The following ETNK1 variants were observed in gnomAD, a reference collection of about 807,000 sequenced individuals.
The protein encoded by ETNK1 is ethanolamine kinase 1.
ETNK1 carries 8 observed loss-of-function variants against 45.1 expected under a neutral mutation model. That is an observed-to-expected ratio of 0.18 (90% CI 0.10 to 0.32). The LOEUF (loss-of-function observed/expected upper bound fraction) is 0.32, where lower values mean the gene tolerates loss of function less well. Ranked by LOEUF, ETNK1 falls within the 10% of genes least tolerant of loss-of-function variation. The pLI is 1.00. For missense variants in ETNK1, 302 were observed against 430.6 expected, an observed-to-expected ratio of 0.70 and a Z score of 2.64; for synonymous variants, 152 against 151.9, an observed-to-expected ratio of 1.00 and a Z score of -0.01.
chr12:22,664,905 TTGTC>T (rs1162088045), intron 4 of ETNK1, among the ~76,000 whole-genome samples: 2 of 152,254 alleles, frequency 1.3e-5, no homozygotes, highest in African/African-American at 4.8e-5. Flanking sequence ...AGCTCAGTAT[TTGTC>T]TGCAGTATGT....
chr12:22,646,102 TGTTA>T lies in ETNK1; in HGVS notation c.416+2084_416+2087del, dbSNP rs373469683. ...TGAAGAACCCTGTATGATAGGATAT[TGTTA>T]GTTGGCATTATGAATAGTAACATTT... On this transcript the variant is annotated intron_variant, in intron 2 of 7. Transcript: ENST00000266517. Among the ~76,000 whole-genome samples, 16 of 151,976 alleles carry T rather than the reference TGTTA, an allele frequency of 1.1e-4. 1 individual carries two copies. Among genetic ancestry groups the T allele is most frequent in the African/African-American group, 3.9e-4 (16 of 41,540 alleles).
rs552171340 is a variant in ETNK1 at position 22,681,661 on chromosome 12, C to T, written c.946-2822C>T. ...ATATATATTTAAAATAAACTCATTA[C>T]ATTAACGCAAATGCCATAAATAGAA... On this transcript the variant is annotated intron_variant, in intron 6 of 7. Transcript: ENST00000266517. 3.9e-5 allele frequency among the ~76,000 whole-genome samples: 6 copies of T among 151,926 alleles called. No individual in the cohort carries two copies. The South Asian group carries it at 1.2e-3, about 32-fold the overall frequency.
At chr12:22,662,075 TTC>T (rs1954006112) in intron 4 of ETNK1, among the ~76,000 whole-genome samples, 2 of 139,416 alleles carry the variant, frequency 1.4e-5, no homozygotes, top group Non-Finnish European at 3.1e-5. Context: ...CCCTTTTTTT[TTC>T]CTTTTTTGAG....
Position 22,625,530 on chromosome 12 carries a change from C to T in ETNK1, c.100C>T (p.Leu34=), listed in dbSNP as rs745405516. ...QEEHRCREGA[L]SLLQHLRPHW... ...GGAGCATCGCTGCCGGGAGGGGGCC[C>T]TGAGCCTCCTGCAACACCTGCGGCC... Residue 34 remains leucine (L), a synonymous_variant, in exon 1 of 8, where the codon CTG becomes TTG. Transcript: ENST00000266517. 1.9e-6 allele frequency: 3 copies of T among 1,605,808 alleles called. No individual in the cohort carries two copies. Among genetic ancestry groups the T allele is most frequent in the East Asian group, 4.5e-5 (2 of 44,658 alleles).
intron 4 of ETNK1, among the ~76,000 whole-genome samples, chr12:22,667,563 A>G (rs1954066190): frequency 6.6e-6 from 1 of 152,202 alleles, no homozygotes; most frequent in African/African-American, 2.4e-5. Context: ...TTAAAGGGAA[A>G]GTGTTTCAGA....
chr12:22,680,118 A>G (rs961948915), intron 6 of ETNK1, among the ~76,000 whole-genome samples: 2 of 152,092 alleles, frequency 1.3e-5, no homozygotes, highest in Non-Finnish European at 2.9e-5. Flanking sequence ...GCCCTCTTAC[A>G]TGTTAACAGT....
chr12:22,662,308 G>A (rs1327503733), intron 4 of ETNK1, among the ~76,000 whole-genome samples: 1 of 137,394 alleles, frequency 7.3e-6, no homozygotes, highest in Non-Finnish European at 1.5e-5. Context: ...GGCTGGTCTC[G>A]AACTCCTGAC....
At chr12:22,652,074 A>G (rs1953885222) in intron 2 of ETNK1, among the ~76,000 whole-genome samples, 1 of 152,046 alleles carries the variant, frequency 6.6e-6, no homozygotes, top group African/African-American at 2.4e-5. Flanking sequence ...GAATTTGACT[A>G]CTTAGGTACA....
At position 22,689,322 on chromosome 12, in the gene ETNK1, C is replaced by G. The variant is rs1954284936; in HGVS notation, c.*4368C>G. The G allele has an allele frequency of 1.3e-5, 2 of 151,892 alleles. No individual in the cohort carries two copies. The highest frequency in any genetic ancestry group is 4.8e-5 in the African/African-American group (2 of 41,408). 9.4% of individuals were successfully genotyped at this position (151,892 alleles called of 1,614,324 possible). A position where few individuals can be genotyped will look rare whatever the true frequency, so the allele number is the denominator to read the frequency against. ...TTGTAAGTTTCTCTCCTGAAATTTTCTTTCTCTTCTATACTTTATGCACTT... is the reference window on the plus strand; with the variant it reads ...TTGTAAGTTTCTCTCCTGAAATTTTGTTTCTCTTCTATACTTTATGCACTT... On this transcript the variant is annotated 3_prime_UTR_variant, in exon 8 of 8. Coordinates refer to ENST00000266517, the MANE Select transcript of ETNK1 (RefSeq NM_018638.5).
At chr12:22,647,138 A>G (rs1423443026) in intron 2 of ETNK1, among the ~76,000 whole-genome samples, 1 of 151,864 alleles carries the variant, frequency 6.6e-6, no homozygotes, top group African/African-American at 2.4e-5. Context: ...ATCAGTTATT[A>G]CGGACACCTT....
At chr12:22,650,867 A>G (rs915703856) in intron 2 of ETNK1, among the ~76,000 whole-genome samples, 1 of 152,196 alleles carries the variant, frequency 6.6e-6, no homozygotes, top group Non-Finnish European at 1.5e-5. Flanking sequence ...TATTTAGTTA[A>G]TAAAAATTTG....
chr12:22,672,768 T>C (rs1954121812), intron 5 of ETNK1, among the ~76,000 whole-genome samples: 1 of 152,074 alleles, frequency 6.6e-6, no homozygotes, highest in Non-Finnish European at 1.5e-5. Flanking sequence ...GACTACAGAG[T>C]TATAGGACTA....
chr12:22,650,826 GT>G (rs542701486), intron 2 of ETNK1, among the ~76,000 whole-genome samples: 30 of 152,180 alleles, frequency 2.0e-4, no homozygotes, highest in African/African-American at 7.0e-4. Context: ...TGATTAAAGT[GT>G]TTTTAAGAAT....
chr12:22,671,699 C>T (rs920308273), intron 5 of ETNK1, among the ~76,000 whole-genome samples: 1 of 151,626 alleles, frequency 6.6e-6, no homozygotes, highest in East Asian at 1.9e-4. Context: ...TTTAGCCGGG[C>T]GTGGTGGTGG....
intron 1 of ETNK1, among the ~76,000 whole-genome samples, chr12:22,628,429 A>G (rs534158723): frequency 1.2e-4 from 18 of 152,194 alleles, no homozygotes; most frequent in African/African-American, 3.8e-4. Flanking sequence ...TACTTTTTTC[A>G]TATGTGACAC....
At chr12:22,680,185 A>G (rs1954201378) in intron 6 of ETNK1, among the ~76,000 whole-genome samples, 1 of 151,942 alleles carries the variant, frequency 6.6e-6, no homozygotes, top group African/African-American at 2.4e-5. Context: ...TTGGTTCCTA[A>G]AATGTTCTTG....
intron 1 of ETNK1, among the ~76,000 whole-genome samples, chr12:22,627,160 T>TTA (rs1555217727): frequency 0.047 from 7,140 of 152,002 alleles, 551 homozygotes; most frequent in African/African-American, 0.16. Context: ...ATTTTTTTTT[T>TTA]ATCTTAGTCG....
intron 1 of ETNK1, 29 bp downstream of exon 1, chr12:22,625,615 C>G (rs765574630): frequency 9.1e-6 from 14 of 1,545,436 alleles, no homozygotes; most frequent in Non-Finnish European, 1.2e-5. Context: ...CTCTGGGTCT[C>G]TTATGCCCCT....
chr12:22,650,180 G>A (rs1010707085), intron 2 of ETNK1, among the ~76,000 whole-genome samples: 1 of 151,000 alleles, frequency 6.6e-6, no homozygotes, highest in Admixed American at 6.6e-5. Context: ...CATTCCGCGA[G>A]GTTTTTTTGG....
Sources: gnomAD v4.1 joint callset for allele counts (sites outside exome capture counted in the v4.1 genomes callset) on GRCh38, gnomAD v4.1.1 for gene constraint, MANE v1.5 for transcripts, NCBI Gene and HGNC (gene_info 2026-07-23, HGNC 2026-07-21) for gene names.